Variants in SPIDR observed in about 807,000 individuals in gnomAD.
SPIDR encodes scaffold protein involved in DNA repair.
In SPIDR, 93 loss-of-function variants were observed where a neutral mutation model predicts 104.6. The observed-to-expected ratio is 0.89, with a 90% CI of 0.75 to 1.06. SPIDR has a LOEUF of 1.06. Among genes scored for constraint, SPIDR ranks in the 50% least tolerant of loss-of-function variants. The pLI is 0.00. For missense variants in SPIDR, 1,154 were observed against 1,111.2 expected (o/e 1.04, Z -0.55); for synonymous variants, 431 against 416.9 (o/e 1.03, Z -0.41).
intron 5 of SPIDR, among the ~76,000 whole-genome samples, chr8:47,297,237 C>A (rs1554573381): frequency 6.6e-6 from 1 of 152,178 alleles, no homozygotes; most frequent in Non-Finnish European, 1.5e-5. Flanking sequence ...GCCAGGACAT[C>A]TAACTCTGTT....
intron 8 of SPIDR, among the ~76,000 whole-genome samples, chr8:47,520,426 A>G (rs758249766): frequency 9.2e-5 from 14 of 152,176 alleles, no homozygotes; most frequent in East Asian, 1.9e-4. Flanking sequence ...GTATCAAGCA[A>G]GCTCCCAGAA....
At chr8:47,286,737 C>T (rs1181390363) in intron 3 of SPIDR, among the ~76,000 whole-genome samples, 1 of 152,054 alleles carries the variant, frequency 6.6e-6, no homozygotes, top group Non-Finnish European at 1.5e-5. Context: ...GCAAAAATAA[C>T]GATTATGGAG....
chr8:47,673,291 G>A, intron 10 of SPIDR: 1 of 378,584 alleles, frequency 2.6e-6, no homozygotes, highest in Non-Finnish European at 5.3e-6. Context: ...TTATCCTGCT[G>A]GGATATGCGT....
At chr8:47,416,582 G>C (rs2064336333) in intron 7 of SPIDR, among the ~76,000 whole-genome samples, 1 of 151,922 alleles carries the variant, frequency 6.6e-6, no homozygotes, top group South Asian at 2.1e-4. Flanking sequence ...GGCATGTTTT[G>C]TTTCATTAAA....
chr8:47,446,622 T>C (rs1225731921), intron 8 of SPIDR, among the ~76,000 whole-genome samples: 1 of 151,626 alleles, frequency 6.6e-6, no homozygotes, highest in Non-Finnish European at 1.5e-5. Context: ...AGTCTCAGTC[T>C]GTTGCCCAGG....
chr8:47,352,723 A>C (rs573570090), intron 5 of SPIDR, among the ~76,000 whole-genome samples: 4 of 152,290 alleles, frequency 2.6e-5, no homozygotes, highest in African/African-American at 9.6e-5. Context: ...CAAAATTTAA[A>C]GTAGGGGAAA....
chr8:47,625,957 T>C (rs1395829386), intron 10 of SPIDR, among the ~76,000 whole-genome samples: 1 of 152,204 alleles, frequency 6.6e-6, no homozygotes, highest in Non-Finnish European at 1.5e-5. Context: ...AGAACAAAGC[T>C]GGAGGTATCA....
intron 10 of SPIDR, among the ~76,000 whole-genome samples, chr8:47,611,047 C>A (rs1588364469): frequency 6.6e-6 from 1 of 152,182 alleles, no homozygotes; most frequent in Non-Finnish European, 1.5e-5. Flanking sequence ...AGACACCCAG[C>A]AAGTATGGGT....
At chr8:47,554,914 A>G (rs561849504) in intron 8 of SPIDR, among the ~76,000 whole-genome samples, 2 of 152,340 alleles carry the variant, frequency 1.3e-5, no homozygotes, top group East Asian at 3.9e-4. Context: ...CATATTGCAC[A>G]GTTAAATTTT....
chr8:47,403,367 A>G lies in SPIDR; in HGVS notation c.777-4494A>G, dbSNP rs1250862037. 2.6e-5 allele frequency among the ~76,000 whole-genome samples: 4 copies of G among 152,310 alleles called. No individual in the cohort carries two copies. In the East Asian group the frequency reaches 7.7e-4, roughly 29 times the overall value. On this transcript the variant is annotated intron_variant, in intron 6 of 19. Transcript: ENST00000297423. Reference sequence around the variant, plus strand: ...AAGTTCTGGCCAGGGCAATCAGGCAAGAGAAAGAAATAAAGGGTGTTCAGT... The same window carrying G: ...AAGTTCTGGCCAGGGCAATCAGGCAGGAGAAAGAAATAAAGGGTGTTCAGT...
At chr8:47,450,105 C>T (rs567327102) in intron 8 of SPIDR, among the ~76,000 whole-genome samples, 7 of 152,228 alleles carry the variant, frequency 4.6e-5, no homozygotes, top group African/African-American at 1.7e-4. Flanking sequence ...GTCAAGGCTG[C>T]ATTGAGCCAT....
chr8:47,313,235 G>A (rs1274443075), intron 5 of SPIDR, among the ~76,000 whole-genome samples: 3 of 152,084 alleles, frequency 2.0e-5, no homozygotes, highest in Non-Finnish European at 4.4e-5. Flanking sequence ...AAATCAATTT[G>A]CAAAAATCAC....
At chr8:47,730,316 A>G (rs7841661) in intron 19 of SPIDR, among the ~76,000 whole-genome samples, 18,647 of 152,182 alleles carry the variant, frequency 0.12, 1,741 homozygotes, top group African/African-American at 0.23. Flanking sequence ...TGTCCTAGAG[A>G]TGCCACCTGT....
At chr8:47,464,435 A>T (rs540657287) in intron 8 of SPIDR, among the ~76,000 whole-genome samples, 41 of 152,264 alleles carry the variant, frequency 2.7e-4, no homozygotes, top group Non-Finnish European at 2.9e-5. Flanking sequence ...TTCCTAACAG[A>T]TCTTCAGAGG....
At chr8:47,395,037 G>GT (rs1554657386) in intron 5 of SPIDR, among the ~76,000 whole-genome samples, 1 of 152,112 alleles carries the variant, frequency 6.6e-6, no homozygotes, top group Admixed American at 6.5e-5. Flanking sequence ...GAGATGGATG[G>GT]TTCCTTTTTT....
chr8:47,377,293 G>A (rs1363417959), intron 5 of SPIDR, among the ~76,000 whole-genome samples: 2 of 152,180 alleles, frequency 1.3e-5, no homozygotes, highest in African/African-American at 2.4e-5. Flanking sequence ...AATACAATCC[G>A]ATAAACTTTG....
intron 8 of SPIDR, among the ~76,000 whole-genome samples, chr8:47,575,379 C>T (rs199722143): frequency 2.0e-5 from 3 of 152,140 alleles, no homozygotes; most frequent in Admixed American, 6.5e-5. Context: ...CGCGGTGGCT[C>T]ACGCCTGTAA....
In SPIDR at chr8:47,476,911, T is replaced by G. The variant is rs114837705; in HGVS notation, c.1097+36369T>G. ...GTGACACCTTAGAAAAATTTCCTTA[T>G]GAGGAGGAAGCTATAATACAGAAAT... On this transcript the variant is annotated intron_variant, in intron 8 of 19. Coordinates refer to ENST00000297423, the MANE Select transcript of SPIDR (RefSeq NM_001080394.4). Among the ~76,000 whole-genome samples the G allele has an allele frequency of 2.3e-3, 345 of 152,262 alleles. 2 individuals carry two copies. Among genetic ancestry groups the G allele is most frequent in the African/African-American group, 8.1e-3 (337 of 41,554 alleles).
chr8:47,364,232 C>T (rs1054175713), intron 5 of SPIDR, among the ~76,000 whole-genome samples: 1 of 152,200 alleles, frequency 6.6e-6, no homozygotes, highest in African/African-American at 2.4e-5. Flanking sequence ...CTCTTCTAGA[C>T]TCTCACAGGG....
Sources: allele counts gnomAD v4.1 joint callset (sites outside exome capture counted in the v4.1 genomes callset), GRCh38; gene constraint gnomAD v4.1.1; transcripts MANE v1.5; gene names NCBI Gene and HGNC (gene_info 2026-07-23, HGNC 2026-07-21).